The following EPS15L1 variants were observed in gnomAD, a reference collection of about 807,000 sequenced individuals.
The protein encoded by EPS15L1 is epidermal growth factor receptor substrate 15-like 1.
In EPS15L1, 43 loss-of-function variants were observed where a neutral mutation model predicts 117.1. That is an observed-to-expected ratio of 0.37 (90% CI 0.29 to 0.47). The LOEUF (loss-of-function observed/expected upper bound fraction) is 0.47, where lower values mean the gene tolerates loss of function less well. EPS15L1 is among the 20% of genes least tolerant of loss of function. EPS15L1 has a pLI of 0.99. For missense variants in EPS15L1, 981 were observed against 1,164.0 expected (o/e 0.84, Z 2.29); for synonymous variants, 459 against 470.5 (o/e 0.98, Z 0.32).
intron 22 of EPS15L1, among the ~76,000 whole-genome samples, chr19:16,369,320 T>G (rs2092187278): frequency 6.6e-6 from 1 of 152,154 alleles, no homozygotes; most frequent in African/African-American, 2.4e-5. Context: ...CTAAAAATAT[T>G]TACCGAATTT....
chr19:16,360,847 A>G (rs2092041052), intron 23 of EPS15L1, among the ~76,000 whole-genome samples: 1 of 152,200 alleles, frequency 6.6e-6, no homozygotes, highest in Non-Finnish European at 1.5e-5. Context: ...GTGCATTGAC[A>G]TGGCAGGGCT....
intron 1 of EPS15L1, among the ~76,000 whole-genome samples, chr19:16,455,736 G>A (rs1465959963): frequency 1.3e-5 from 2 of 152,174 alleles, no homozygotes; most frequent in African/African-American, 2.4e-5. Flanking sequence ...GGAGATGAGG[G>A]TGAGCACTCC....
chr19:16,385,181 C>A lies in EPS15L1; in HGVS notation c.2195G>T (p.Ser732Ile). 1.2e-6 allele frequency: 2 copies of A among 1,614,192 alleles called. No homozygotes were observed. The highest frequency in any genetic ancestry group is 2.2e-5 in the South Asian group (2 of 91,084). Residue 732 changes from serine (S) to isoleucine (I), a missense_variant, in exon 21 of 24, where the codon AGT becomes ATT. Physicochemically the swap from Ser to Ile is moderately radical, Grantham distance 142. Around this residue, in one of 5 missense-constraint regions of EPS15L1, gnomAD observed 819 missense variants for 949.0 expected, o/e 0.86. Transcript: ENST00000455140. The stretch of plus-strand genomic sequence containing the variant: ...GCCTTCAGCACTATTGAAGGACCCA[C>A]TTCCGAAGGGATCTAAGGTTCCAAA... ...DPFGTLDPFG[S>I]GSFNSAEGFA... is the part of the protein sequence containing the mutation.
intron 17 of EPS15L1, 73 bp downstream of exon 17, chr19:16,395,271 G>A (rs1217613652): frequency 1.4e-6 from 2 of 1,389,986 alleles, no homozygotes; most frequent in East Asian, 4.9e-5. Flanking sequence ...TACTTTTCTA[G>A]TTGAAGAACC....
intron 3 of EPS15L1, chr19:16,441,530 G>C (rs1295302164): frequency 1.7e-5 from 3 of 172,368 alleles, no homozygotes; most frequent in Non-Finnish European, 3.7e-5. Flanking sequence ...TCAAGAGGCT[G>C]AGGCAGGAGA....
At chr19:16,457,944 A>C (rs1950834212) in intron 1 of EPS15L1, among the ~76,000 whole-genome samples, 2 of 151,594 alleles carry the variant, frequency 1.3e-5, no homozygotes, top group South Asian at 4.2e-4. Flanking sequence ...ACCGCCTCCC[A>C]CAAGGGCCCA....
intron 1 of EPS15L1, among the ~76,000 whole-genome samples, chr19:16,447,717 A>ACCGCTGCAGTGAGCCGAGATCATT (rs1169318752): frequency 1.3e-5 from 2 of 151,704 alleles, no homozygotes; most frequent in Non-Finnish European, 2.9e-5. Flanking sequence ...CCGAGATCAT[A>ACCGCTGCAGTGAGCCGAGATCATT]CCACTGCACT....
At position 16,441,873 on chromosome 19, in the gene EPS15L1, A is replaced by G. The variant is rs1422305224; in HGVS notation, c.165+19T>C. On this transcript the variant is annotated intron_variant, in intron 3 of 23. Transcript: ENST00000455140. ...TGAGGGCAGCCACAGAAGAGAAATC[A>G]CTATTCATCTTCACATACCTTCCCA... The G allele has an allele frequency of 6.3e-7, 1 of 1,586,440 alleles. No homozygotes were observed. Among genetic ancestry groups the G allele is most frequent in the Non-Finnish European group, 8.6e-7 (1 of 1,157,108 alleles).
intron 1 of EPS15L1, among the ~76,000 whole-genome samples, chr19:16,447,682 C>T (rs564462715): frequency 5.3e-4 from 81 of 151,852 alleles, no homozygotes; most frequent in Admixed American, 1.3e-3. Context: ...ATCACTTGAA[C>T]CTGGGAGGCG....
rs150700483 is a variant in EPS15L1 at position 16,397,073 on chromosome 19, A to C, written c.1792-1606T>G. 5.8e-3 allele frequency among the ~76,000 whole-genome samples: 881 copies of C among 151,976 alleles called. 4 individuals carry two copies. The highest frequency in any genetic ancestry group is 0.01 in the Non-Finnish European group (700 of 67,966). ...AAAGACAGTGAAGATGGTCAAGTTT[A>C]TGTCTATTTTTCTTTCTTTCTTTTT... is the stretch of plus-strand genomic sequence containing the variant. On this transcript the variant is annotated intron_variant, in intron 16 of 23. Transcript: ENST00000455140.
chr19:16,406,744 T>A (rs2092660696), intron 13 of EPS15L1, among the ~76,000 whole-genome samples: 1 of 152,232 alleles, frequency 6.6e-6, no homozygotes, highest in Admixed American at 6.5e-5. Flanking sequence ...GTACATCACA[T>A]CCTTCATGCA....
chr19:16,468,103 C>T (rs374896016), intron 1 of EPS15L1, among the ~76,000 whole-genome samples: 1 of 152,186 alleles, frequency 6.6e-6, no homozygotes, highest in East Asian at 1.9e-4. Flanking sequence ...ACAAAAGGGA[C>T]CCACGGAAGG....
At chr19:16,422,407 C>G (rs2092824756) in intron 9 of EPS15L1, among the ~76,000 whole-genome samples, 1 of 147,466 alleles carries the variant, frequency 6.8e-6, no homozygotes, top group Non-Finnish European at 1.5e-5. Context: ...CGTGCTTTTC[C>G]TCTTCCCTTT....
intron 7 of EPS15L1, among the ~76,000 whole-genome samples, chr19:16,431,248 A>C (rs903182159): frequency 2.0e-5 from 3 of 150,408 alleles, no homozygotes; most frequent in East Asian, 1.9e-4. Flanking sequence ...AAAAAAAAAA[A>C]CTTTTTTTTA....
intron 5 of EPS15L1, among the ~76,000 whole-genome samples, chr19:16,437,387 C>T (rs556662552): frequency 1.8e-4 from 27 of 152,302 alleles, no homozygotes; most frequent in Admixed American, 2.6e-4. Flanking sequence ...AGGCCAGACA[C>T]AAAAGACCAT....
intron 1 of EPS15L1, among the ~76,000 whole-genome samples, chr19:16,454,472 C>T (rs1160672347): frequency 6.6e-6 from 1 of 152,172 alleles, no homozygotes; most frequent in African/African-American, 2.4e-5. Context: ...ACTATGTCAG[C>T]ATGAGCTGCT....
chr19:16,371,709 C>T lies in EPS15L1; in HGVS notation c.2380+5413G>A, dbSNP rs897558107. ...GGGGCCGGTCGCAGGATCCCACTATCGCAGCAGGGCTGAGGCCCAATCACT... is the reference window on the plus strand; with the variant it reads ...GGGGCCGGTCGCAGGATCCCACTATTGCAGCAGGGCTGAGGCCCAATCACT... On this transcript the variant is annotated intron_variant, in intron 22 of 23. Coordinates refer to ENST00000455140, the MANE Select transcript of EPS15L1 (RefSeq NM_001258374.3). The surrounding 1 kb of genome is among the most constrained non-coding windows in gnomAD (Gnocchi z 4.7). Among the ~76,000 whole-genome samples the T allele has an allele frequency of 1.3e-5, 2 of 152,144 alleles. No individual in the cohort carries two copies. Among genetic ancestry groups the T allele is most frequent in the African/African-American group, 4.8e-5 (2 of 41,426 alleles).
chr19:16,379,493 T>C (rs2092336274), intron 21 of EPS15L1, among the ~76,000 whole-genome samples: 2 of 152,182 alleles, frequency 1.3e-5, no homozygotes, highest in South Asian at 2.1e-4. Context: ...AGAATCTGAA[T>C]GCAACAGATT....
chr19:16,435,154 G>C (rs2092966910), intron 6 of EPS15L1: 1 of 152,176 alleles, frequency 6.6e-6, no homozygotes, highest in Non-Finnish European at 1.5e-5. Context: ...GTTTCAACAT[G>C]ATGGCCGGGT....
Sources: gnomAD v4.1 joint callset for allele counts (sites outside exome capture counted in the v4.1 genomes callset) on GRCh38, gnomAD v4.1.1 for gene constraint, gnomAD v4.1.1 regional missense constraint, Gnocchi (gnomAD v3.1) non-coding constraint, MANE v1.5 for transcripts, NCBI Gene and HGNC (gene_info 2026-07-23, HGNC 2026-07-21) for gene names.